Variants in HORMAD2 observed in about 807,000 individuals in gnomAD.
HORMAD2 encodes HORMA domain-containing protein 2.
Under a neutral mutation model 38.8 loss-of-function variants are expected in HORMAD2, and 45 were observed. The observed-to-expected ratio is 1.16, with a 90% confidence interval of 0.91 to 1.49. The LOEUF (loss-of-function observed/expected upper bound fraction) is 1.49, where lower values mean the gene tolerates loss of function less well. HORMAD2 is among the 40% of genes most tolerant of loss of function. The pLI, the probability that HORMAD2 is intolerant of heterozygous loss-of-function variation, is 0.00. For synonymous variants in HORMAD2, 126 were observed against 122.8 expected (o/e 1.03, Z -0.17); for missense variants, 338 against 367.0 (o/e 0.92, Z 0.65).
intron 10 of HORMAD2, among the ~76,000 whole-genome samples, chr22:30,130,586 C>CTTTTT (rs66636269): frequency 4.4e-3 from 385 of 87,778 alleles, no homozygotes; most frequent in African/African-American, 5.7e-3. Context: ...CTTTTCTTTT[C>CTTTTT]TTTTTTTTTT....
In HORMAD2 at chr22:30,098,864, C is replaced by T; in HGVS notation, c.64C>T (p.Pro22Ser). The T allele has an allele frequency of 6.2e-7, 1 of 1,606,532 alleles. No individual in the cohort carries two copies. Among genetic ancestry groups the T allele is most frequent in the Non-Finnish European group, 8.5e-7 (1 of 1,176,646 alleles). Reference protein sequence around the residue: ...IHKASKETVFPSQITNEHESL... With the variant: ...IHKASKETVFSSQITNEHESL... ...GTTGTTTTTCCAGGAAACAGTTTTC[C>T]CATCCCAAATCACTAATGAGCATGA... is the stretch of plus-strand genomic sequence containing the variant. The change falls in exon 3 of 11, where the codon CCA (proline) becomes TCA (serine). Residue 22 changes from proline (P) to serine (S), a missense_variant. Physicochemically the swap from Pro to Ser is moderately conservative, Grantham distance 74 (BLOSUM62 -1). Coordinates refer to ENST00000336726, the MANE Select transcript of HORMAD2 (RefSeq NM_152510.4).
intron 1 of HORMAD2, among the ~76,000 whole-genome samples, chr22:30,087,056 T>A (rs2068583024): frequency 6.6e-6 from 1 of 152,178 alleles, no homozygotes; most frequent in African/African-American, 2.4e-5. Context: ...AGATGGGGTT[T>A]CTCCATGTTG....
At chr22:30,137,186 C>T in intron 10 of HORMAD2, 1 of 575,448 alleles carries the variant, frequency 1.7e-6, no homozygotes, top group East Asian at 3.5e-5. Context: ...GGCATTTTTG[C>T]CCTGAACATC....
chr22:30,090,774 T>G (rs1013940410), intron 1 of HORMAD2, among the ~76,000 whole-genome samples: 3 of 152,220 alleles, frequency 2.0e-5, no homozygotes, highest in Admixed American at 2.0e-4. Context: ...ATTTATGGGG[T>G]ACAGAGTGAT....
intron 1 of HORMAD2, among the ~76,000 whole-genome samples, chr22:30,082,212 A>G (rs895796694): frequency 3.9e-5 from 6 of 152,218 alleles, no homozygotes; most frequent in African/African-American, 1.4e-4. Flanking sequence ...ATATAGTTAC[A>G]TTTCAGAATC....
At chr22:30,083,064 T>C (rs538437454) in intron 1 of HORMAD2, among the ~76,000 whole-genome samples, 2 of 152,134 alleles carry the variant, frequency 1.3e-5, no homozygotes, top group South Asian at 4.1e-4. Flanking sequence ...AGCCCAGAAG[T>C]TCAAAACCAG....
At chr22:30,105,134 T>C (rs1040398912) in intron 5 of HORMAD2, 8 of 167,204 alleles carry the variant, frequency 4.8e-5, no homozygotes, top group African/African-American at 1.7e-4. Context: ...GGCCAGGACA[T>C]TGCGCAGCTC....
chr22:30,137,024 G>T (rs181251655), intron 10 of HORMAD2: 227 of 427,414 alleles, frequency 5.3e-4, no homozygotes, highest in Admixed American at 1.1e-3. Flanking sequence ...ATGTGTAATT[G>T]TTGCATTTTT....
At chr22:30,159,791 C>CAGG (rs1184139131) in intron 10 of HORMAD2, among the ~76,000 whole-genome samples, 4 of 152,048 alleles carry the variant, frequency 2.6e-5, no homozygotes, top group Non-Finnish European at 5.9e-5. Context: ...TTGTGAGCTG[C>CAGG]AGGAGGGCTT....
the HORMAD2 span, among the ~76,000 whole-genome samples, chr22:30,195,501 TTGAC>T: frequency 6.6e-6 from 1 of 152,180 alleles, no homozygotes; most frequent in African/African-American, 2.4e-5. Flanking sequence ...GGCAGGCTCT[TTGAC>T]TGAGGTCTCC....
chr22:30,142,737 T>C (rs1924163512), intron 10 of HORMAD2, among the ~76,000 whole-genome samples: 1 of 152,196 alleles, frequency 6.6e-6, no homozygotes, highest in African/African-American at 2.4e-5. Context: ...ATGTGTTTTA[T>C]ATGTGTTTAT....
chr22:30,169,711 G>T (rs375350129), intron 10 of HORMAD2, among the ~76,000 whole-genome samples: 1 of 152,074 alleles, frequency 6.6e-6, no homozygotes, highest in Non-Finnish European at 1.5e-5. Context: ...CATCTAATTC[G>T]GAATCTTAAA....
At chr22:30,109,520 T>C (rs1372251318) in intron 5 of HORMAD2, among the ~76,000 whole-genome samples, 1 of 152,072 alleles carries the variant, frequency 6.6e-6, no homozygotes, top group African/African-American at 2.4e-5. Context: ...TCTTACCATG[T>C]TTCCCAGGCT....
At chr22:30,124,496 G>A (rs1454117802) in intron 10 of HORMAD2, among the ~76,000 whole-genome samples, 1 of 152,142 alleles carries the variant, frequency 6.6e-6, no homozygotes, top group African/African-American at 2.4e-5. Flanking sequence ...CACGCCCTCT[G>A]AAGGTAACCA....
intron 7 of HORMAD2, among the ~76,000 whole-genome samples, chr22:30,118,394 C>G (rs899425285): frequency 6.6e-6 from 1 of 152,204 alleles, no homozygotes; most frequent in Non-Finnish European, 1.5e-5. Flanking sequence ...GTTCAAACCT[C>G]ACCTCTTCAG....
chr22:30,161,197 A>G (rs1352307534), intron 10 of HORMAD2, among the ~76,000 whole-genome samples: 2 of 152,198 alleles, frequency 1.3e-5, no homozygotes, highest in Non-Finnish European at 1.5e-5. Context: ...GAGATCTTCC[A>G]TCTTAGACAA....
chr22:30,095,307 G>A (rs555115094), intron 2 of HORMAD2, among the ~76,000 whole-genome samples: 1 of 152,242 alleles, frequency 6.6e-6, no homozygotes, highest in South Asian at 2.1e-4. Flanking sequence ...ACAGATTATT[G>A]GTAAAATGAA....
At chr22:30,155,980 C>T (rs549284604) in intron 10 of HORMAD2, among the ~76,000 whole-genome samples, 6 of 152,176 alleles carry the variant, frequency 3.9e-5, no homozygotes, top group Non-Finnish European at 7.4e-5. Flanking sequence ...TGACACTCTG[C>T]CTTGGGCCTT....
At chr22:30,171,486 C>T (rs1199733770) in intron 10 of HORMAD2, among the ~76,000 whole-genome samples, 1 of 152,088 alleles carries the variant, frequency 6.6e-6, no homozygotes, top group East Asian at 1.9e-4. Flanking sequence ...ACTCTACCTG[C>T]CAAATATATC....
Sources: allele counts gnomAD v4.1 joint callset (sites outside exome capture counted in the v4.1 genomes callset), GRCh38; gene constraint gnomAD v4.1.1; transcripts MANE v1.5; gene names NCBI Gene and HGNC (gene_info 2026-07-23, HGNC 2026-07-21).